The following FBXO4 variants were observed in gnomAD, a reference collection of about 807,000 sequenced individuals.
FBXO4 encodes F-box only protein 4.
Under a neutral mutation model 43.7 loss-of-function variants are expected in FBXO4, and 36 were observed. That is an observed-to-expected ratio of 0.82 (90% CI 0.63 to 1.09). The LOEUF (loss-of-function observed/expected upper bound fraction) is 1.09, where lower values mean the gene tolerates loss of function less well. FBXO4 is among the 50% of genes least tolerant of loss of function. The pLI is 0.00. For missense variants in FBXO4, 435 were observed against 474.1 expected, an observed-to-expected ratio of 0.92 and a Z score of 0.77; for synonymous variants, 180 against 165.6, an observed-to-expected ratio of 1.09 and a Z score of -0.67.
the FBXO4 span, among the ~76,000 whole-genome samples, chr5:42,031,307 A>G: frequency 6.6e-6 from 1 of 152,158 alleles, no homozygotes; most frequent in African/African-American, 2.4e-5. Context: ...TGTCCTTTGT[A>G]GGGACATGGA....
At chr5:42,030,407 T>C in the FBXO4 span, among the ~76,000 whole-genome samples, 1 of 151,840 alleles carries the variant, frequency 6.6e-6, no homozygotes, top group South Asian at 2.1e-4. Flanking sequence ...TAGCCATATG[T>C]AGAAAGCTGA....
chr5:42,039,172 C>T, the FBXO4 span, among the ~76,000 whole-genome samples: 1 of 152,038 alleles, frequency 6.6e-6, no homozygotes, highest in African/African-American at 2.4e-5. Context: ...AAATTGAGCT[C>T]AAATTCTCTA....
the FBXO4 span, among the ~76,000 whole-genome samples, chr5:42,010,439 C>G: frequency 2.7e-5 from 4 of 150,244 alleles, no homozygotes; most frequent in Non-Finnish European, 5.9e-5. Context: ...ACCTGGGCAG[C>G]AGAGGTTGTA....
the FBXO4 span, among the ~76,000 whole-genome samples, chr5:41,985,886 G>A: frequency 6.6e-6 from 1 of 152,012 alleles, no homozygotes; most frequent in African/African-American, 2.4e-5. Context: ...AATGACATAA[G>A]CCATTAGCTG....
chr5:41,967,280 A>G, the FBXO4 span: 5 of 460,648 alleles, frequency 1.1e-5, no homozygotes, highest in African/African-American at 8.1e-5. Context: ...CTGGAGTGAT[A>G]TAACTGGCTT....
the FBXO4 span, among the ~76,000 whole-genome samples, chr5:41,979,493 C>A: frequency 6.6e-6 from 1 of 152,194 alleles, no homozygotes; most frequent in Non-Finnish European, 1.5e-5. Context: ...TTAACAATCA[C>A]CTCTCAGGAA....
the FBXO4 span, among the ~76,000 whole-genome samples, chr5:41,996,130 C>A: frequency 1.7e-4 from 26 of 152,300 alleles, no homozygotes; most frequent in Non-Finnish European, 3.2e-4. Context: ...GGAGTGGAGA[C>A]CATGGGCATT....
the FBXO4 span, among the ~76,000 whole-genome samples, chr5:41,995,916 G>T: frequency 6.6e-6 from 1 of 152,160 alleles, no homozygotes; most frequent in African/African-American, 2.4e-5. Context: ...GGCCCACTGG[G>T]AAGATTTCCC....
At chr5:41,990,216 A>G in the FBXO4 span, among the ~76,000 whole-genome samples, 1 of 152,246 alleles carries the variant, frequency 6.6e-6, no homozygotes, top group Non-Finnish European at 1.5e-5. Flanking sequence ...CCCATGCACT[A>G]AAACTGAATG....
chr5:41,993,699 A>C, the FBXO4 span, among the ~76,000 whole-genome samples: 1 of 151,464 alleles, frequency 6.6e-6, no homozygotes, highest in African/African-American at 2.4e-5. Context: ...AATTCACATG[A>C]TCACAAGGTT....
the FBXO4 span, among the ~76,000 whole-genome samples, chr5:41,959,380 G>A: frequency 6.6e-6 from 1 of 151,744 alleles, no homozygotes; most frequent in Non-Finnish European, 1.5e-5. Context: ...TTTGTTTTGC[G>A]AAAGTTTTTC....
the FBXO4 span, among the ~76,000 whole-genome samples, chr5:42,010,762 A>G: frequency 6.6e-6 from 1 of 152,146 alleles, no homozygotes; most frequent in Non-Finnish European, 1.5e-5. Flanking sequence ...ATTTTGAGGA[A>G]CTACCATACT....
intron 5 of FBXO4, chr5:41,934,886 T>A: frequency 1.0e-6 from 1 of 985,840 alleles, no homozygotes; most frequent in Non-Finnish European, 1.2e-6. Context: ...GAGCTAGTAT[T>A]ATAATATCTT....
intron 5 of FBXO4, chr5:41,934,576 T>A: frequency 7.5e-7 from 1 of 1,333,460 alleles, no homozygotes; most frequent in African/African-American, 1.5e-5. Context: ...TTTGGGCATC[T>A]GTTTTTTCCA....
the FBXO4 span, among the ~76,000 whole-genome samples, chr5:42,005,344 A>G: frequency 2.0e-5 from 3 of 152,178 alleles, no homozygotes; most frequent in Non-Finnish European, 2.9e-5. Context: ...AGTTCTTAGG[A>G]GGGATTTTGA....
chr5:41,996,083 C>T, the FBXO4 span, among the ~76,000 whole-genome samples: 3 of 152,312 alleles, frequency 2.0e-5, no homozygotes, highest in East Asian at 5.8e-4. Context: ...CCCATGAGGC[C>T]ATCAGTGCAG....
chr5:41,958,966 A>T, the FBXO4 span, among the ~76,000 whole-genome samples: 1 of 152,160 alleles, frequency 6.6e-6, no homozygotes, highest in East Asian at 1.9e-4. Flanking sequence ...TTTTTAAGGA[A>T]ACGCCATACT....
chr5:41,969,970 A>G, the FBXO4 span, among the ~76,000 whole-genome samples: 1 of 151,312 alleles, frequency 6.6e-6, no homozygotes, highest in South Asian at 2.1e-4. Flanking sequence ...AATAAAGGCC[A>G]TAGTACTGTG....
At chr5:41,985,335 G>A in the FBXO4 span, among the ~76,000 whole-genome samples, 1 of 152,144 alleles carries the variant, frequency 6.6e-6, no homozygotes, top group African/African-American at 2.4e-5. Context: ...CAGGCAATAT[G>A]AGTAAATATT....
Sources: allele counts gnomAD v4.1 joint callset (sites outside exome capture counted in the v4.1 genomes callset), GRCh38; gene constraint gnomAD v4.1.1; transcripts MANE v1.5; gene names NCBI Gene and HGNC (gene_info 2026-07-23, HGNC 2026-07-21).